Variants in TET2 observed in about 807,000 individuals in gnomAD.
TET2 encodes the protein methylcytosine dioxygenase TET2.
A neutral mutation model predicts 142.9 loss-of-function variants in TET2; 299 were observed. The observed-to-expected ratio is 2.09, with a 90% CI of 1.90 to 2.30. The LOEUF is 2.30. Among genes scored for constraint, TET2 ranks in the 30% most tolerant of loss-of-function variants. The pLI is 0.00. For synonymous variants in TET2, 819 were observed against 849.0 expected (o/e 0.96, Z 0.61); for missense variants, 2,418 against 2,378.0 (o/e 1.02, Z -0.35).
chr4:105,148,647 C>T (rs1280220674), intron 1 of TET2, among the ~76,000 whole-genome samples: 5 of 152,130 alleles, frequency 3.3e-5, no homozygotes, highest in Non-Finnish European at 1.5e-5. Context: ...AGTTGAAATA[C>T]TAAGGGGAGT....
At chr4:105,242,691 G>A (rs1672622829) in intron 4 of TET2, 143 bp from the exon 5 acceptor site, 1 of 1,442,650 alleles carries the variant, frequency 6.9e-7, no homozygotes, top group Non-Finnish European at 9.1e-7. Context: ...GCTTGGCGTA[G>A]ACCTGTTTAA....
In TET2 at chr4:105,277,380, CAT is replaced by C. The variant is rs1040586525; in HGVS notation, c.*862_*863del. ...ACACAAACATGTATATGTGCACACA[CAT>C]GTATATGTATAAATATTTTAAATGG... On this transcript the variant is annotated 3_prime_UTR_variant, in exon 11 of 11. Transcript: ENST00000380013. The C allele has an allele frequency of 2.0e-4, 45 of 224,940 alleles. No homozygotes were observed. Among genetic ancestry groups the C allele is most frequent in the Admixed American group, 9.7e-4 (17 of 17,544 alleles). 13.9% of individuals were successfully genotyped at this position (224,940 alleles called of 1,614,324 possible). A position where few individuals can be genotyped will look rare whatever the true frequency, so the allele number is the denominator to read the frequency against.
chr4:105,269,933 G>C (rs1005635546), intron 9 of TET2, among the ~76,000 whole-genome samples, 186 bp downstream of exon 9: 2 of 152,138 alleles, frequency 1.3e-5, no homozygotes, highest in Admixed American at 6.5e-5. Flanking sequence ...CTTACATGGC[G>C]GCAGGCAAGA....
intron 9 of TET2, among the ~76,000 whole-genome samples, chr4:105,271,504 G>C (rs1458451525): frequency 6.6e-6 from 1 of 152,168 alleles, no homozygotes; most frequent in Non-Finnish European, 1.5e-5. Context: ...AGGAGCACTA[G>C]ATAAGAACTG....
intron 1 of TET2, among the ~76,000 whole-genome samples, chr4:105,190,045 C>T (rs932946750): frequency 1.4e-4 from 21 of 152,200 alleles, no homozygotes; most frequent in African/African-American, 5.1e-4. Context: ...GTAAGCCACA[C>T]TGTGAACCAC....
intron 8 of TET2, among the ~76,000 whole-genome samples, chr4:105,267,448 T>C (rs1285313603): frequency 2.0e-5 from 3 of 151,850 alleles, no homozygotes; most frequent in Non-Finnish European, 4.4e-5. Context: ...GAAAGTATAT[T>C]ATTGTAAAGT....
At chr4:105,274,564 GA>G (rs1731107959) in intron 10 of TET2, among the ~76,000 whole-genome samples, 1 of 152,040 alleles carries the variant, frequency 6.6e-6, no homozygotes, top group African/African-American at 2.4e-5. Context: ...TCCCATTTAG[GA>G]ATTTACTTAC....
chr4:105,254,576 T>C (rs1268763803), intron 6 of TET2, among the ~76,000 whole-genome samples: 1 of 152,082 alleles, frequency 6.6e-6, no homozygotes, highest in East Asian at 1.9e-4. Flanking sequence ...CATGCCTGGC[T>C]AATTTTTTTA....
chr4:105,255,796 A>C (rs1366305868), intron 6 of TET2, among the ~76,000 whole-genome samples: 1 of 151,990 alleles, frequency 6.6e-6, no homozygotes, highest in Non-Finnish European at 1.5e-5. Context: ...ATTTATATAC[A>C]TTTAACATAA....
At chr4:105,230,793 T>C (rs943148725) in intron 2 of TET2, among the ~76,000 whole-genome samples, 1 of 152,220 alleles carries the variant, frequency 6.6e-6, no homozygotes, top group African/African-American at 2.4e-5. Flanking sequence ...CCATCTTTTA[T>C]GACTTCTAGA....
At chr4:105,178,833 C>G (rs1470144227) in intron 1 of TET2, among the ~76,000 whole-genome samples, 1 of 152,006 alleles carries the variant, frequency 6.6e-6, no homozygotes, top group East Asian at 1.9e-4. Flanking sequence ...AGAAAATAAA[C>G]TAGTTGAATG....
At chr4:105,164,378 C>T (rs566188361) in intron 1 of TET2, among the ~76,000 whole-genome samples, 14 of 152,184 alleles carry the variant, frequency 9.2e-5, no homozygotes, top group Non-Finnish European at 1.9e-4. Context: ...TGCTTCTCTA[C>T]CTGTAAAATG....
intron 2 of TET2, among the ~76,000 whole-genome samples, chr4:105,220,914 C>T (rs1469928497): frequency 1.3e-5 from 2 of 151,806 alleles, no homozygotes; most frequent in East Asian, 3.9e-4. Flanking sequence ...CATGACCAAG[C>T]CTAAACAACT....
At chr4:105,261,691 T>G (rs1401552041) in intron 7 of TET2, 68 bp from the exon 8 acceptor site, 2 of 924,888 alleles carry the variant, frequency 2.2e-6, no homozygotes, top group African/African-American at 3.4e-5. Flanking sequence ...ATAATCTAAC[T>G]GATAGTCTCT....
chr4:105,241,616 A>T, intron 4 of TET2, 187 bp downstream of exon 4: 6 of 1,320,520 alleles, frequency 4.5e-6, no homozygotes, highest in Non-Finnish European at 5.8e-6. Flanking sequence ...ATTTGACAGG[A>T]CTAATAGTCT....
Position 105,234,106 on chromosome 4 carries a change from A to T in TET2, c.164A>T (p.His55Leu), listed in dbSNP as rs781497651. The change falls in exon 3 of 11, where the codon CAC becomes CTC. Residue 55 changes from histidine (H) to leucine (L), a missense_variant. By Grantham distance (99) the His-to-Leu change is moderately conservative. Transcript: ENST00000380013. ...HPEVNGDTKW[H>L]SFKSYYGIPC... ...GAAGTAAATGGAGACACCAAGTGGC[A>T]CTCTTTCAAAAGTTATTATGGAATA... 1 of 1,613,956 alleles carries T rather than the reference A, an allele frequency of 6.2e-7. No individual in the cohort carries two copies. The highest frequency in any genetic ancestry group is 1.3e-5 in the African/African-American group (1 of 74,912).
intron 8 of TET2, among the ~76,000 whole-genome samples, chr4:105,267,854 A>G (rs1730762650): frequency 6.6e-6 from 1 of 152,086 alleles, no homozygotes; most frequent in Admixed American, 6.5e-5. Context: ...AAAAGACATA[A>G]CAGGAAAAAA....
chr4:105,232,631 C>A (rs1728570237), intron 2 of TET2, among the ~76,000 whole-genome samples: 1 of 152,162 alleles, frequency 6.6e-6, no homozygotes, highest in South Asian at 2.1e-4. Flanking sequence ...AGACAGAAAA[C>A]CAAAGGCATG....
chr4:105,155,339 G>T (rs997736894), intron 1 of TET2, among the ~76,000 whole-genome samples: 40 of 152,348 alleles, frequency 2.6e-4, no homozygotes, highest in African/African-American at 9.6e-4. Flanking sequence ...AAAGGAAATT[G>T]CTTTGCAGCA....
Sources: gnomAD v4.1 joint callset for allele counts (sites outside exome capture counted in the v4.1 genomes callset) on GRCh38, gnomAD v4.1.1 for gene constraint, MANE v1.5 for transcripts, NCBI Gene and HGNC (gene_info 2026-07-23, HGNC 2026-07-21) for gene names.